Variants in ATM observed in about 807,000 individuals in gnomAD.
ATM encodes serine-protein kinase ATM.
A neutral mutation model predicts 387.0 loss-of-function variants in ATM; 308 were observed. That is an observed-to-expected ratio of 0.80 (90% CI 0.73 to 0.87). The LOEUF is 0.87. ATM is among the 40% of genes least tolerant of loss of function. ATM has a pLI of 0.00. For missense variants in ATM, 3,312 were observed against 3,560.9 expected, an observed-to-expected ratio of 0.93 and a Z score of 1.78; for synonymous variants, 1,156 against 1,187.3, an observed-to-expected ratio of 0.97 and a Z score of 0.54.
chr11:108,229,309 A>T lies in ATM; in HGVS notation c.317A>T (p.Lys106Ile), dbSNP rs878853501. The change falls in exon 4 of 63, where the codon AAA becomes ATA. Residue 106 changes from lysine (K) to isoleucine (I), a missense_variant. This residue lies in a region of ATM where 1,791 missense variants were observed against 1,804.5 expected (regional missense o/e 0.99). Transcript: ENST00000675843. ...AGTAGTTTGGTCAAATACTTCATCA[A>T]ATGTGCAAACAGAAGTAAGTGATGT... is the stretch of plus-strand genomic sequence containing the variant. ...EISSLVKYFI[K>I]CANRRAPRLK... 6.2e-7 allele frequency: 1 copy of T among 1,613,592 alleles called. No individual in the cohort carries two copies. Among genetic ancestry groups the T allele is most frequent in the East Asian group, 2.2e-5 (1 of 44,812 alleles).
In ATM at chr11:108,347,318, A is replaced by G. The variant is rs587782451; in HGVS notation, c.8624A>G (p.Asn2875Ser). ...ILGLGDRHVQ[N>S]ILINEQSAEL... ...GGACTTGGTGATAGACATGTACAGA[A>G]TATCTTGATAAATGAGCAGTCAGCA... Residue 2875 changes from asparagine (N) to serine (S), a missense_variant, in exon 59 of 63, where the codon AAT becomes AGT. Physicochemically the swap from Asn to Ser is conservative, Grantham distance 46. Coordinates refer to ENST00000675843, the MANE Select transcript of ATM (RefSeq NM_000051.4). The G allele has an allele frequency of 1.2e-6, 2 of 1,611,798 alleles. No individual in the cohort carries two copies. The highest frequency in any genetic ancestry group is 1.3e-5 in the African/African-American group (1 of 74,980).
At chr11:108,274,213 A>G (rs1396891420) in intron 22 of ATM, among the ~76,000 whole-genome samples, 8 of 152,090 alleles carry the variant, frequency 5.3e-5, no homozygotes, top group African/African-American at 1.7e-4. Flanking sequence ...GATCAGTGGT[A>G]TTATCCTCTT....
intron 5 of ATM, 152 bp from the exon 6 acceptor site, chr11:108,243,801 G>T: frequency 1.4e-6 from 1 of 705,492 alleles, no homozygotes; most frequent in Non-Finnish European, 2.3e-6. Flanking sequence ...ATTAAATACT[G>T]ATGGAGTACT....
chr11:108,300,593 A>G (rs2083377640), intron 34 of ATM, among the ~76,000 whole-genome samples: 1 of 152,206 alleles, frequency 6.6e-6, no homozygotes, highest in South Asian at 2.1e-4. Flanking sequence ...CTCTTGAGGA[A>G]TAAATGATTG....
At position 108,272,539 on chromosome 11, in the gene ATM, A is replaced by T. The variant is rs730881355; in HGVS notation, c.3085A>T (p.Thr1029Ser). The T allele has an allele frequency of 6.2e-7, 1 of 1,612,034 alleles. No individual in the cohort carries two copies. Among genetic ancestry groups the T allele is most frequent in the Non-Finnish European group, 8.5e-7 (1 of 1,178,180 alleles). Residue 1029 changes from threonine (T) to serine (S), a missense_variant, in exon 21 of 63, where the codon ACA becomes TCA. Thr to Ser is a moderately conservative substitution (Grantham distance 58, BLOSUM62 1). Around this residue, in one of 4 missense-constraint regions of ATM, gnomAD observed 1,791 missense variants for 1,804.5 expected, o/e 0.99. Coordinates refer to ENST00000675843, the MANE Select transcript of ATM (RefSeq NM_000051.4). ...LTVIGAFWHL[T>S]KERKYIFSVR... is the part of the protein sequence containing the mutation. Reference sequence around the variant, plus strand: ...AAACTTACTTGATTTCAGGCATCTAACAAAGGAGAGGAAATATATATTCTC... The same window carrying T: ...AAACTTACTTGATTTCAGGCATCTATCAAAGGAGAGGAAATATATATTCTC...
At chr11:108,313,777 A>G (rs553864657) in intron 40 of ATM, among the ~76,000 whole-genome samples, 1 of 152,352 alleles carries the variant, frequency 6.6e-6, no homozygotes, top group African/African-American at 2.4e-5. Context: ...GCCAATATAA[A>G]TGAATTTGTG....
At chr11:108,293,894 A>AAAAAAT (rs1491178678) in intron 31 of ATM, among the ~76,000 whole-genome samples, 8 of 83,678 alleles carry the variant, frequency 9.6e-5, no homozygotes, top group African/African-American at 3.4e-4. Context: ...AAAAAAAAAA[A>AAAAAAT]ATATATATAT....
At chr11:108,227,996 T>A in intron 3 of ATM, 108 bp downstream of exon 3, 1 of 902,580 alleles carries the variant, frequency 1.1e-6, no homozygotes, top group Non-Finnish European at 1.7e-6. Context: ...TTGCTTCCTA[T>A]ATATCATTAT....
intron 24 of ATM, among the ~76,000 whole-genome samples, chr11:108,282,112 C>T (rs999476221): frequency 2.0e-5 from 3 of 151,818 alleles, no homozygotes; most frequent in Admixed American, 2.0e-4. Flanking sequence ...CAGGCATGTG[C>T]CACCACACCT....
At chr11:108,262,650 A>G (rs1410172007) in intron 16 of ATM, among the ~76,000 whole-genome samples, 3 of 152,016 alleles carry the variant, frequency 2.0e-5, no homozygotes, top group Non-Finnish European at 4.4e-5. Flanking sequence ...CTTTAAATGT[A>G]AATGGACTAA....
At chr11:108,231,999 T>G (rs2079037572) in intron 4 of ATM, among the ~76,000 whole-genome samples, 1 of 152,222 alleles carries the variant, frequency 6.6e-6, no homozygotes, top group Non-Finnish European at 1.5e-5. Flanking sequence ...AATGCTGGGA[T>G]ATAGTAGGTA....
chr11:108,346,087 T>C (rs554675388), intron 58 of ATM, among the ~76,000 whole-genome samples, 179 bp downstream of exon 58: 18 of 152,292 alleles, frequency 1.2e-4, no homozygotes, highest in African/African-American at 4.3e-4. Context: ...TGATTCTTAG[T>C]GTCTACCTTT....
intron 26 of ATM, 81 bp downstream of exon 26, chr11:108,284,554 A>G: frequency 6.5e-7 from 1 of 1,537,674 alleles, no homozygotes. Context: ...TATTTATTCG[A>G]TTTATTCGTA....
At chr11:108,260,998 G>A (rs1399883928) in intron 16 of ATM, among the ~76,000 whole-genome samples, 47 of 152,290 alleles carry the variant, frequency 3.1e-4, no homozygotes, top group East Asian at 5.8e-4. Flanking sequence ...CGCCCACGGA[G>A]TCTCGCTGAT....
chr11:108,325,040 T>G (rs1178953363), intron 45 of ATM, among the ~76,000 whole-genome samples: 1 of 152,166 alleles, frequency 6.6e-6, no homozygotes, highest in East Asian at 1.9e-4. Context: ...GGGCTGCTTT[T>G]TGTAATGTCA....
intron 45 of ATM, among the ~76,000 whole-genome samples, chr11:108,321,718 G>A (rs2085240617): frequency 1.3e-5 from 2 of 151,790 alleles, no homozygotes; most frequent in South Asian, 4.2e-4. Context: ...AGCACAACAG[G>A]CAGAGGTTGT....
chr11:108,297,157 A>G, intron 32 of ATM, 130 bp from the exon 33 acceptor site: 2 of 696,868 alleles, frequency 2.9e-6, no homozygotes, highest in Admixed American at 2.5e-5. Flanking sequence ...TTTTTGAGCT[A>G]CTCATGACTT....
chr11:108,241,267 C>CTGTTT (rs887084706), intron 5 of ATM, among the ~76,000 whole-genome samples: 152 of 152,128 alleles, frequency 1.0e-3, no homozygotes, highest in African/African-American at 3.3e-3. Context: ...GACTGTTTTA[C>CTGTTT]TGTTTTGTTT....
At position 108,327,672 on chromosome 11, in the gene ATM, A is replaced by G; in HGVS notation, c.7003A>G (p.Thr2335Ala). The G allele has an allele frequency of 1.2e-6, 2 of 1,613,960 alleles. No homozygotes were observed. The highest frequency in any genetic ancestry group is 1.7e-6 in the Non-Finnish European group (2 of 1,179,926). The change falls in exon 48 of 63, where the codon ACA becomes GCA. Residue 2335 changes from threonine (T) to alanine (A), a missense_variant. Physicochemically the swap from Thr to Ala is moderately conservative, Grantham distance 58. Around this residue, in one of 4 missense-constraint regions of ATM, gnomAD observed 1,405 missense variants for 1,604.4 expected, o/e 0.88. Coordinates refer to ENST00000675843, the MANE Select transcript of ATM (RefSeq NM_000051.4). ...CAATCCCAGCCTAAAACTTACATAC[A>G]CAGAATGTCTGAGGGTTTGTGGCAA... is the stretch of plus-strand genomic sequence containing the variant. ...ANNPSLKLTY[T>A]ECLRVCGNWL...
Sources: allele counts gnomAD v4.1 joint callset (sites outside exome capture counted in the v4.1 genomes callset), GRCh38; gene constraint gnomAD v4.1.1; regional missense constraint gnomAD v4.1.1; transcripts MANE v1.5; gene names NCBI Gene and HGNC (gene_info 2026-07-23, HGNC 2026-07-21).